DPP6: variants seen among roughly 807,000 people sequenced by gnomAD.
The protein encoded by DPP6 is dipeptidyl peptidase like 6.
In DPP6, 69 loss-of-function variants were observed where a neutral mutation model predicts 122.6. The ratio of observed to expected loss-of-function variants is 0.56; its 90% CI spans 0.46 to 0.69. DPP6 has a LOEUF of 0.69. Among genes scored for constraint, DPP6 ranks in the 30% least tolerant of loss-of-function variants. The pLI is 0.00. For synonymous variants in DPP6, 418 were observed against 433.1 expected, an observed-to-expected ratio of 0.97 and a Z score of 0.43; for missense variants, 928 against 1,116.9, an observed-to-expected ratio of 0.83 and a Z score of 2.41.
intron 1 of DPP6, among the ~76,000 whole-genome samples, chr7:154,354,532 A>T (rs1202156616): frequency 2.6e-5 from 4 of 152,146 alleles, no homozygotes; most frequent in Non-Finnish European, 4.4e-5. Context: ...TAATATTCCT[A>T]AATTATGATT....
chr7:154,404,491 G>A (rs577985687), intron 1 of DPP6, among the ~76,000 whole-genome samples: 37 of 152,238 alleles, frequency 2.4e-4, no homozygotes, highest in Admixed American at 1.5e-3. Context: ...TGAGCTACGG[G>A]AGTGCCCATA....
At chr7:153,849,288 T>C in the DPP6 span, among the ~76,000 whole-genome samples, 2 of 148,226 alleles carry the variant, frequency 1.3e-5, no homozygotes, top group Non-Finnish European at 3.0e-5. Flanking sequence ...TTTTTTTTTT[T>C]GAATACTCTG....
the DPP6 span, among the ~76,000 whole-genome samples, chr7:153,807,267 G>A: frequency 5.9e-5 from 9 of 151,698 alleles, no homozygotes; most frequent in Admixed American, 2.6e-4. Flanking sequence ...ACAAAAATTA[G>A]CCAGGCATGG....
At chr7:154,030,152 C>A (rs1402565850) in intron 1 of DPP6, among the ~76,000 whole-genome samples, 1 of 152,150 alleles carries the variant, frequency 6.6e-6, no homozygotes, top group East Asian at 1.9e-4. Context: ...GCCATGTTAG[C>A]ACCACCGCAT....
At chr7:154,823,771 A>C (rs1199457588) in intron 16 of DPP6, among the ~76,000 whole-genome samples, 1 of 152,138 alleles carries the variant, frequency 6.6e-6, no homozygotes, top group South Asian at 2.1e-4. Flanking sequence ...CCAGTTTAAG[A>C]GTCTGTGATT....
the DPP6 span, among the ~76,000 whole-genome samples, chr7:153,818,416 A>G: frequency 2.6e-5 from 4 of 152,018 alleles, no homozygotes; most frequent in Admixed American, 2.6e-4. Flanking sequence ...CATTGTTTGT[A>G]AAAGTAAACA....
At chr7:154,109,609 C>A (rs1184036798) in intron 1 of DPP6, among the ~76,000 whole-genome samples, 1 of 152,186 alleles carries the variant, frequency 6.6e-6, no homozygotes, top group African/African-American at 2.4e-5. Flanking sequence ...ATTTTCTAAT[C>A]TTTAAAAATA....
intron 17 of DPP6, among the ~76,000 whole-genome samples, chr7:154,860,959 A>T (rs563664988): frequency 6.9e-6 from 1 of 144,258 alleles, no homozygotes; most frequent in East Asian, 2.1e-4. Flanking sequence ...AGAACCAAAA[A>T]GACTAAAAAT....
intron 3 of DPP6, among the ~76,000 whole-genome samples, chr7:154,526,956 T>C (rs1552734): frequency 0.49 from 75,013 of 152,044 alleles, 18,763 homozygotes; most frequent in African/African-American, 0.53. Flanking sequence ...AGCCTGCAAC[T>C]GAAATATCAG....
chr7:153,780,516 T>C, the DPP6 span, among the ~76,000 whole-genome samples: 4 of 152,272 alleles, frequency 2.6e-5, no homozygotes, highest in Middle Eastern at 3.4e-3. Flanking sequence ...TGGCATTTAT[T>C]TATTAAACAA....
chr7:154,140,232 G>A (rs1795777621), intron 1 of DPP6, among the ~76,000 whole-genome samples: 1 of 152,148 alleles, frequency 6.6e-6, no homozygotes, highest in African/African-American at 2.4e-5. Flanking sequence ...GTGAAGAAAA[G>A]GGCCATATCT....
intron 1 of DPP6, among the ~76,000 whole-genome samples, chr7:154,327,779 C>T (rs1020055647): frequency 1.3e-5 from 2 of 152,116 alleles, no homozygotes; most frequent in Non-Finnish European, 2.9e-5. Context: ...GAGCTTGTCT[C>T]TTAATTACCA....
chr7:154,546,190 A>C (rs1427803638), intron 4 of DPP6, among the ~76,000 whole-genome samples: 1 of 152,208 alleles, frequency 6.6e-6, no homozygotes, highest in South Asian at 2.1e-4. Context: ...TATTTATGAT[A>C]TATTTTAAAA....
At chr7:154,831,042 G>A (rs143355281) in intron 16 of DPP6, among the ~76,000 whole-genome samples, 13 of 152,308 alleles carry the variant, frequency 8.5e-5, no homozygotes, top group African/African-American at 1.4e-4. Context: ...CCAGGTGACC[G>A]TGTCATCCCC....
intron 1 of DPP6, among the ~76,000 whole-genome samples, chr7:153,979,499 A>C (rs1796471634): frequency 6.6e-6 from 1 of 152,192 alleles, no homozygotes; most frequent in Non-Finnish European, 1.5e-5. Context: ...CAAACAGATA[A>C]TTTGACTTCC....
chr7:154,228,509 T>C (rs1800738188), intron 1 of DPP6, among the ~76,000 whole-genome samples: 1 of 152,156 alleles, frequency 6.6e-6, no homozygotes, highest in African/African-American at 2.4e-5. Context: ...TGGGTTCAAA[T>C]GGTGCCAGAA....
At chr7:154,630,748 C>T (rs1048206332) in intron 5 of DPP6, among the ~76,000 whole-genome samples, 2 of 151,960 alleles carry the variant, frequency 1.3e-5, no homozygotes, top group Non-Finnish European at 2.9e-5. Flanking sequence ...AACACATGGA[C>T]ACCGGGAGGG....
chr7:154,155,778 A>G (rs1029027240), intron 1 of DPP6, among the ~76,000 whole-genome samples: 1 of 152,132 alleles, frequency 6.6e-6, no homozygotes, highest in African/African-American at 2.4e-5. Context: ...CCCTTGCCCC[A>G]CTGTTGCTGG....
At chr7:154,179,709 G>A (rs192890908) in intron 1 of DPP6, among the ~76,000 whole-genome samples, 1 of 152,224 alleles carries the variant, frequency 6.6e-6, no homozygotes, top group African/African-American at 2.4e-5. Context: ...CTGATTTTGT[G>A]TCACTTTCAT....
Sources: allele counts gnomAD v4.1 joint callset (sites outside exome capture counted in the v4.1 genomes callset), GRCh38; gene constraint gnomAD v4.1.1; transcripts MANE v1.5; gene names NCBI Gene and HGNC (gene_info 2026-07-23, HGNC 2026-07-21).